Variants in SYNE2 observed in about 807,000 individuals in gnomAD.
SYNE2 encodes the protein spectrin repeat containing nuclear envelope protein 2.
In SYNE2, 431 loss-of-function variants were observed where a neutral mutation model predicts 856.3. The observed-to-expected ratio is 0.50, with a 90% CI of 0.47 to 0.55. The LOEUF is 0.55. Ranked by LOEUF, SYNE2 falls within the 20% of genes least tolerant of loss-of-function variation. The pLI is 0.00. For synonymous variants in SYNE2, 2,923 were observed against 2,872.3 expected (o/e 1.02, Z -0.56); for missense variants, 8,129 against 8,023.2 (o/e 1.01, Z -0.50).
chr14:64,043,786 G>A (rs1426547256), intron 45 of SYNE2, among the ~76,000 whole-genome samples: 2 of 152,222 alleles, frequency 1.3e-5, no homozygotes, highest in African/African-American at 2.4e-5. Context: ...CTACGGGGGC[G>A]GGGCCCTCAC....
intron 112 of SYNE2, among the ~76,000 whole-genome samples, chr14:64,221,958 T>G (rs188843091): frequency 1.3e-5 from 2 of 152,308 alleles, no homozygotes; most frequent in African/African-American, 4.8e-5. Flanking sequence ...CTCGATATCC[T>G]GAGGAACTTA....
chr14:64,098,485 T>C, intron 62 of SYNE2: 1 of 589,486 alleles, frequency 1.7e-6, no homozygotes, highest in Non-Finnish European at 3.0e-6. Context: ...AAGTCTTCTC[T>C]GCATTCACAT....
In SYNE2 at chr14:64,080,628, A is replaced by G. The variant is rs538884693; in HGVS notation, c.11336A>G (p.Gln3779Arg). 8.7e-6 allele frequency: 14 copies of G among 1,614,124 alleles called. No individual in the cohort carries two copies. In the Admixed American group the frequency reaches 2.0e-4, roughly 23 times the overall value. ...VSQRAECRTSQLNKATVKMEE... is the reference protein window; with the variant it reads ...VSQRAECRTSRLNKATVKMEE... ...CAGAGAGCAGAGTGTAGAACCTCAC[A>G]GTTGAATAAGGTATGGCTGTGACTC... is the stretch of plus-strand genomic sequence containing the variant. The change falls in exon 56 of 116, where the codon CAG becomes CGG. Residue 3779 changes from glutamine (Q) to arginine (R), a missense_variant. Transcript: ENST00000555002.
At chr14:64,120,859 T>C in intron 67 of SYNE2, 68 bp from the exon 68 acceptor site, 1 of 1,554,614 alleles carries the variant, frequency 6.4e-7, no homozygotes, top group South Asian at 1.1e-5. Context: ...AGTCCCATTA[T>C]TAGAATTGAG....
intron 108 of SYNE2, 87 bp downstream of exon 108, chr14:64,216,474 G>A (rs779698761): frequency 1.6e-5 from 22 of 1,406,510 alleles, no homozygotes; most frequent in Non-Finnish European, 2.1e-5. Context: ...TGTAAACTGC[G>A]TGTATTCATT....
At chr14:64,162,303 C>G (rs766196082) in intron 88 of SYNE2, 27 bp downstream of exon 88, 3 of 1,611,808 alleles carry the variant, frequency 1.9e-6, no homozygotes, top group Non-Finnish European at 2.5e-6. Flanking sequence ...TTTGGAAAAC[C>G]AAGGCCAAGT....
chr14:64,224,562 C>G lies in SYNE2; in HGVS notation c.20469+15C>G, dbSNP rs374908266. 1 of 1,613,934 alleles carries G rather than the reference C, an allele frequency of 6.2e-7. No individual in the cohort carries two copies. The highest frequency in any genetic ancestry group is 1.7e-5 in the Admixed American group (1 of 60,012). On this transcript the variant is annotated intron_variant, in intron 114 of 115. Transcript: ENST00000555002. ...CCCGAGCAAAGGTAAGAAGCCCCTT[C>G]CTTCTGTGAGAACCTCACTGGTTAT...
At chr14:63,911,043 G>A (rs916058186) in intron 2 of SYNE2, among the ~76,000 whole-genome samples, 5 of 152,082 alleles carry the variant, frequency 3.3e-5, no homozygotes, top group East Asian at 3.9e-4. Context: ...ACTTCTTGGC[G>A]TGGTTCAGGC....
Position 63,807,540 on chromosome 14 carries a change from AAATCAGC to A in SYNE2, c.-304-44960_-304-44954del, listed in dbSNP as rs1888407370. On this transcript the variant is annotated intron_variant, in intron 1 of 23. Coordinates refer to the SYNE2 transcript ENST00000674003. The stretch of plus-strand genomic sequence containing the variant: ...TGGATTTATTTATAAGGATTTATTA[AAATCAGC>A]TTTGTTATTAATAGTACACTTGTAT... 2.0e-5 allele frequency among the ~76,000 whole-genome samples: 3 copies of A among 151,912 alleles called. No individual in the cohort carries two copies. In the South Asian group the frequency reaches 6.2e-4, roughly 31 times the overall value.
At position 64,070,725 on chromosome 14, in the gene SYNE2, A is replaced by G. The variant is rs1157883888; in HGVS notation, c.10512A>G (p.Thr3504=). 4.3e-6 allele frequency: 7 copies of G among 1,614,226 alleles called. No homozygotes were observed. The highest frequency in any genetic ancestry group is 5.9e-6 in the Non-Finnish European group (7 of 1,180,030). Residue 3504 remains threonine, a synonymous_variant, in exon 52 of 116, where the codon ACA becomes ACG. Coordinates refer to ENST00000555002, the MANE Select transcript of SYNE2 (RefSeq NM_182914.3). ...CCAAAACAAAAGAGGCAGCCACCAC[A>G]GAGGAACTCTCTGAGCTGCTAGACT... The part of the protein sequence containing the change: ...EISKTKEAAT[T]EELSELLDCL...
At chr14:64,218,785 A>G (rs2098678818) in intron 109 of SYNE2, among the ~76,000 whole-genome samples, 1 of 152,210 alleles carries the variant, frequency 6.6e-6, no homozygotes, top group Admixed American at 6.5e-5. Context: ...TTGTGTGTAA[A>G]GATCAGACTT....
intron 88 of SYNE2, 85 bp from the exon 89 acceptor site, chr14:64,163,317 C>G (rs2098343018): frequency 6.7e-7 from 1 of 1,483,790 alleles, no homozygotes; most frequent in Admixed American, 1.7e-5. Context: ...CAAATATTCT[C>G]CTAGATTTTG....
intron 60 of SYNE2, among the ~76,000 whole-genome samples, chr14:64,092,228 G>C (rs570649326): frequency 4.0e-4 from 61 of 152,280 alleles, no homozygotes; most frequent in Admixed American, 7.2e-4. Flanking sequence ...AGACGAAATG[G>C]GTGAAATAGA....
chr14:64,066,206 A>G (rs2097357325), intron 51 of SYNE2, among the ~76,000 whole-genome samples: 1 of 152,224 alleles, frequency 6.6e-6, no homozygotes, highest in Non-Finnish European at 1.5e-5. Context: ...ATTAATTTAG[A>G]AAGTTAAAGA....
intron 105 of SYNE2, 27 bp downstream of exon 105, chr14:64,213,032 C>T (rs761823012): frequency 1.9e-6 from 3 of 1,611,742 alleles, no homozygotes; most frequent in South Asian, 1.1e-5. Flanking sequence ...CTAGAAATGG[C>T]ACCTGGGCTG....
chr14:64,166,934 A>G (rs890445031), intron 90 of SYNE2: 3 of 385,822 alleles, frequency 7.8e-6, no homozygotes, highest in Non-Finnish European at 1.5e-5. Flanking sequence ...CTCCATTCCG[A>G]AAAATAAAAA....
intron 6 of SYNE2, among the ~76,000 whole-genome samples, chr14:63,948,796 A>ATGTG (rs2096093498): frequency 2.4e-5 from 2 of 83,660 alleles, no homozygotes; most frequent in Non-Finnish European, 4.4e-5. Flanking sequence ...ATATATATAT[A>ATGTG]TATATATATA....
In SYNE2 at chr14:64,021,479, T is replaced by G. The variant is rs752416595; in HGVS notation, c.5316T>G (p.Ser1772=). 12 of 1,613,962 alleles carry G rather than the reference T, an allele frequency of 7.4e-6. No individual in the cohort carries two copies. In the East Asian group the frequency reaches 2.7e-4, roughly 36 times the overall value. ...CTGAATCCCTCTTAAAAGCCCTGTC[T>G]CCTTCTGACAGCTTGGAGATCTTCA... ...GMTESLLKAL[S]PSDSLEIFTK... Residue 1772 remains serine, a synonymous_variant, in exon 36 of 116, where the codon TCT becomes TCG. Coordinates refer to ENST00000555002, the MANE Select transcript of SYNE2 (RefSeq NM_182914.3).
At chr14:63,887,906 C>A (rs1373433875) in intron 1 of SYNE2, among the ~76,000 whole-genome samples, 1 of 151,976 alleles carries the variant, frequency 6.6e-6, no homozygotes, top group African/African-American at 2.4e-5. Context: ...GAATGTGCCA[C>A]CATGCCCGGC....
Sources: gnomAD v4.1 joint callset for allele counts (sites outside exome capture counted in the v4.1 genomes callset) on GRCh38, gnomAD v4.1.1 for gene constraint, MANE v1.5 for transcripts, NCBI Gene and HGNC (gene_info 2026-07-23, HGNC 2026-07-21) for gene names.